Variants in CYLC2 observed in about 807,000 individuals in gnomAD.
CYLC2 encodes the protein cylicin 2, also known as cylicin-2.
Under a neutral mutation model 26.1 loss-of-function variants are expected in CYLC2, and 30 were observed. That is an observed-to-expected ratio of 1.15 (90% CI 0.86 to 1.56). The LOEUF is 1.56. Among genes scored for constraint, CYLC2 ranks in the 40% most tolerant of loss-of-function variants. CYLC2 has a pLI of 0.00. For synonymous variants in CYLC2, 158 were observed against 132.8 expected (o/e 1.19, Z -1.31); for missense variants, 498 against 394.4 (o/e 1.26, Z -2.23).
chr9:103,008,945 C>G (rs1424597776), intron 5 of CYLC2, among the ~76,000 whole-genome samples: 1 of 152,138 alleles, frequency 6.6e-6, no homozygotes, highest in East Asian at 1.9e-4. Flanking sequence ...ATCAACTTTT[C>G]TTTTGCTCTG....
intron 6 of CYLC2, among the ~76,000 whole-genome samples, chr9:103,013,725 A>T (rs1218064478): frequency 9.0e-6 from 1 of 111,328 alleles, no homozygotes; most frequent in African/African-American, 3.7e-5. Context: ...TATATTATGC[A>T]TTTTATATAT....
At chr9:103,014,545 A>G (rs1257886464) in intron 6 of CYLC2, among the ~76,000 whole-genome samples, 4 of 135,938 alleles carry the variant, frequency 2.9e-5, no homozygotes, top group Admixed American at 2.9e-4. Flanking sequence ...TCATATGTAT[A>G]TTATGCAGTA....
intron 3 of CYLC2, among the ~76,000 whole-genome samples, chr9:103,003,820 A>G (rs1829312996): frequency 6.6e-6 from 1 of 152,088 alleles, no homozygotes; most frequent in South Asian, 2.1e-4. Context: ...GGATTACACT[A>G]TACCTTTAAT....
intron 1 of CYLC2, among the ~76,000 whole-genome samples, chr9:102,995,971 G>A (rs960839280): frequency 6.6e-6 from 1 of 151,772 alleles, no homozygotes; most frequent in Admixed American, 6.6e-5. Context: ...GTTTACTTAT[G>A]CTTAATTTAT....
chr9:103,001,143 A>G lies in CYLC2; in HGVS notation c.18-435A>G, dbSNP rs536796317. Among the ~76,000 whole-genome samples, 16 of 152,010 alleles carry G rather than the reference A, an allele frequency of 1.1e-4. No homozygotes were observed. In the South Asian group the frequency reaches 3.3e-3, roughly 32 times the overall value. On this transcript the variant is annotated intron_variant, in intron 1 of 7. Transcript: ENST00000374798. ...GACTATTTTGAGGATATGCTTTTAC[A>G]TAAGCGTAGAGTTTACAAAGTGATA...
At chr9:103,003,072 C>T (rs1184326797) in intron 2 of CYLC2, 70 bp from the exon 3 acceptor site, 9 of 1,575,698 alleles carry the variant, frequency 5.7e-6, no homozygotes, top group South Asian at 2.3e-5. Context: ...ATACGTTGCA[C>T]GTAATGCCAT....
At chr9:102,997,613 G>T (rs1375103770) in intron 1 of CYLC2, among the ~76,000 whole-genome samples, 2 of 151,936 alleles carry the variant, frequency 1.3e-5, no homozygotes, top group Non-Finnish European at 2.9e-5. Context: ...AGCTGATGCA[G>T]ATTCCAAAAA....
Position 103,005,136 on chromosome 9 carries a change from G to T in CYLC2, c.505G>T (p.Glu169Ter). 6.2e-7 allele frequency: 1 copy of T among 1,607,742 alleles called. No individual in the cohort carries two copies. Among genetic ancestry groups the T allele is most frequent in the Non-Finnish European group, 8.5e-7 (1 of 1,177,998 alleles). ...TAGCAAAAAAGGTAAAAAGGATGCA[G>T]AGAAGGGCAAAGACTCAGCAACAGA... is the stretch of plus-strand genomic sequence containing the variant. ...KDSKKGKKDA[E>*]KGKDSATESE... is the part of the protein sequence containing the mutation. The change falls in exon 5 of 8, where the codon GAG (glutamate) becomes TAG (stop). Residue 169 changes from glutamate (E) to a stop codon, truncating the protein, a stop_gained. Coordinates refer to ENST00000374798, the MANE Select transcript of CYLC2 (RefSeq NM_001340.5). LOFTEE classifies it high-confidence loss of function.
Position 103,005,452 on chromosome 9 carries a change from A to C in CYLC2, c.821A>C (p.Lys274Thr). 6.2e-7 allele frequency: 1 copy of C among 1,613,368 alleles called. No homozygotes were observed. The highest frequency in any genetic ancestry group is 8.5e-7 in the Non-Finnish European group (1 of 1,179,822). The change falls in exon 5 of 8, where the codon AAG becomes ACG. Residue 274 changes from lysine (K) to threonine (T), a missense_variant. Physicochemically the swap from Lys to Thr is moderately conservative, Grantham distance 78. Coordinates refer to ENST00000374798, the MANE Select transcript of CYLC2 (RefSeq NM_001340.5). Reference sequence around the variant, plus strand: ...GAGATTAAAAAAGGTAAGAAAGATAAGAAGAAGCCCAGTAGTACAGACAGT... The same window carrying C: ...GAGATTAAAAAAGGTAAGAAAGATACGAAGAAGCCCAGTAGTACAGACAGT... ...AKEIKKGKKD[K>T]KKPSSTDSDS...
At chr9:103,006,631 G>T (rs1829354682) in intron 5 of CYLC2, among the ~76,000 whole-genome samples, 1 of 151,948 alleles carries the variant, frequency 6.6e-6, no homozygotes, top group Non-Finnish European at 1.5e-5. Flanking sequence ...AGCCAAGATG[G>T]TCTCAATCTC....
rs185810633 is a variant in CYLC2, at chr9:103,004,575, C to A, written c.181-120C>A. ...TAAAGGATGAAATCTCAAACTTCCC[C>A]ATTTTTTAACAAAAGCTAAAATCTT... On this transcript the variant is annotated intron_variant, in intron 3 of 7. Transcript: ENST00000374798. The A allele has an allele frequency of 1.4e-4, 99 of 709,742 alleles. No individual in the cohort carries two copies. In the African/African-American group the frequency reaches 1.7e-3, roughly 12 times the overall value. The allele number at this position is 709,742 out of a possible 1,614,324, so 44.0% of individuals were successfully genotyped here.
chr9:103,014,370 C>T (rs1400883710), intron 6 of CYLC2, among the ~76,000 whole-genome samples: 22 of 132,750 alleles, frequency 1.7e-4, no homozygotes, highest in African/African-American at 5.8e-4. Context: ...ACATAATATA[C>T]ATTATGTATA....
Position 102,995,345 on chromosome 9 carries a change from C to G in CYLC2, c.-36C>G, listed in dbSNP as rs749840127. 1.3e-6 allele frequency: 2 copies of G among 1,573,904 alleles called. No individual in the cohort carries two copies. The highest frequency in any genetic ancestry group is 1.1e-5 in the South Asian group (1 of 89,954). On this transcript the variant is annotated 5_prime_UTR_variant, in exon 1 of 8. Coordinates refer to ENST00000374798, the MANE Select transcript of CYLC2 (RefSeq NM_001340.5). The stretch of plus-strand genomic sequence containing the variant: ...TTTCAACATCACCAGTTTGAACTTA[C>G]AATACTTAAGTCCTGGCAAGTCATA...
intron 6 of CYLC2, among the ~76,000 whole-genome samples, chr9:103,015,998 A>G (rs1011409494): frequency 2.5e-4 from 37 of 150,292 alleles, no homozygotes; most frequent in African/African-American, 9.0e-4. Flanking sequence ...ATGTATGTGT[A>G]TATGTATCAA....
chr9:102,997,434 G>A (rs1380483336), intron 1 of CYLC2, among the ~76,000 whole-genome samples: 3 of 151,926 alleles, frequency 2.0e-5, no homozygotes, highest in Non-Finnish European at 4.4e-5. Flanking sequence ...GAGAAAGACA[G>A]AGAATCTTAC....
At position 102,995,366 on chromosome 9, in the gene CYLC2, T is replaced by TTA; in HGVS notation, c.-15_-14insTA. 1 of 1,602,096 alleles carries TTA rather than the reference T, an allele frequency of 6.2e-7. No homozygotes were observed. On this transcript the variant is annotated 5_prime_UTR_variant, in exon 1 of 8. Transcript: ENST00000374798. ...CTTACAATACTTAAGTCCTGGCAAG[T>TTA]CATAAGTGGGGAAAATGTCTCTCCC...
Position 103,005,708 on chromosome 9 carries a change from T to C in CYLC2, c.*30T>C. 1 of 1,575,898 alleles carries C rather than the reference T, an allele frequency of 6.3e-7. No individual in the cohort carries two copies. The highest frequency in any genetic ancestry group is 8.6e-7 in the Non-Finnish European group (1 of 1,164,094). ...TGGATAAGAATTTGAACCGAAAGAA[T>C]AATTCAAAAGCATATTTGATGAAAC... On this transcript the variant is annotated 3_prime_UTR_variant, in exon 5 of 8. Transcript: ENST00000374798.
intron 6 of CYLC2, among the ~76,000 whole-genome samples, chr9:103,013,823 T>C (rs1247909118): frequency 1.1e-5 from 1 of 94,700 alleles, no homozygotes; most frequent in Non-Finnish European, 2.0e-5. Flanking sequence ...GTATATAATA[T>C]GTATATAATA....
intron 6 of CYLC2, among the ~76,000 whole-genome samples, chr9:103,013,249 T>TAAC (rs1829432545): frequency 9.0e-6 from 1 of 110,892 alleles, no homozygotes; most frequent in Non-Finnish European, 1.7e-5. Flanking sequence ...CATGTAAATA[T>TAAC]ATATTTAATG....
Sources: gnomAD v4.1 joint callset for allele counts (sites outside exome capture counted in the v4.1 genomes callset) on GRCh38, gnomAD v4.1.1 for gene constraint, MANE v1.5 for transcripts, NCBI Gene and HGNC (gene_info 2026-07-23, HGNC 2026-07-21) for gene names.